SPATA9: variants seen among roughly 807,000 people sequenced by gnomAD.
The protein encoded by SPATA9 is spermatogenesis associated 9.
In SPATA9, 27 loss-of-function variants were observed where a neutral mutation model predicts 25.5. That is an observed-to-expected ratio of 1.06 (90% CI 0.78 to 1.46). The LOEUF (loss-of-function observed/expected upper bound fraction) is 1.46, where lower values mean the gene tolerates loss of function less well. SPATA9 is among the 40% of genes most tolerant of loss of function. The pLI, the probability that SPATA9 is intolerant of heterozygous loss-of-function variation, is 0.00. For synonymous variants in SPATA9, 102 were observed against 105.7 expected (o/e 0.97, Z 0.21); for missense variants, 282 against 297.5 (o/e 0.95, Z 0.38).
the SPATA9 span, chr5:95,731,668 CTTG>C: frequency 2.5e-6 from 4 of 1,613,354 alleles, no homozygotes; most frequent in Non-Finnish European, 3.4e-6. Context: ...CCGCCCTGCC[CTTG>C]GATTTGAGAT....
chr5:95,659,555 T>A (rs527715413), intron 4 of SPATA9: 1 of 152,188 alleles, frequency 6.6e-6, no homozygotes, highest in Admixed American at 6.5e-5. Flanking sequence ...TGCTGAGTAT[T>A]CAAGGCACGC....
At chr5:95,681,687 G>T (rs1753473289) in intron 2 of SPATA9, among the ~76,000 whole-genome samples, 1 of 152,284 alleles carries the variant, frequency 6.6e-6, no homozygotes, top group South Asian at 2.1e-4. Context: ...TTGTCTGCAG[G>T]CGTGGTTAAA....
the SPATA9 span, among the ~76,000 whole-genome samples, chr5:95,722,490 TA>T: frequency 6.6e-6 from 1 of 152,104 alleles, no homozygotes; most frequent in Non-Finnish European, 1.5e-5. Context: ...TTTTATAATG[TA>T]AAAGAGGTTT....
downstream of SPATA9, among the ~76,000 whole-genome samples, chr5:95,653,416 A>C (rs1750482848): frequency 1.3e-5 from 2 of 152,258 alleles, no homozygotes; most frequent in Admixed American, 6.5e-5. Flanking sequence ...AATGTTGTTT[A>C]GTGTTGAATT....
downstream of SPATA9, chr5:95,656,514 T>C (rs750071131): frequency 6.2e-5 from 30 of 483,908 alleles, no homozygotes; most frequent in Non-Finnish European, 9.8e-5. Flanking sequence ...TTATCGAATC[T>C]TCTGGATTAA....
intron 3 of SPATA9, among the ~76,000 whole-genome samples, chr5:95,674,289 C>A (rs1307412428): frequency 6.6e-6 from 1 of 152,162 alleles, no homozygotes; most frequent in African/African-American, 2.4e-5. Context: ...CCATTTCTTA[C>A]CTTCTTGAAG....
intron 4 of SPATA9, 98 bp from the exon 5 acceptor site, chr5:95,659,011 A>G: frequency 7.1e-7 from 1 of 1,418,304 alleles, no homozygotes; most frequent in East Asian, 2.3e-5. Context: ...AAGTCATTTA[A>G]TCTACATAAT....
intron 2 of SPATA9, among the ~76,000 whole-genome samples, chr5:95,678,376 C>G (rs1753139693): frequency 6.6e-6 from 1 of 151,788 alleles, no homozygotes; most frequent in Non-Finnish European, 1.5e-5. Flanking sequence ...GACTCCATCT[C>G]AAAAAAATAA....
At chr5:95,706,504 C>T in the SPATA9 span, among the ~76,000 whole-genome samples, 7 of 151,936 alleles carry the variant, frequency 4.6e-5, no homozygotes, top group East Asian at 5.8e-4. Flanking sequence ...GAATCCTGTA[C>T]AGCCTGCAGA....
the SPATA9 span, among the ~76,000 whole-genome samples, chr5:95,704,946 T>C: frequency 6.7e-5 from 10 of 150,216 alleles, no homozygotes; most frequent in Non-Finnish European, 1.2e-4. Flanking sequence ...GAGGATAGAG[T>C]ACTTTTTTTT....
downstream of SPATA9, chr5:95,657,088 C>T (rs1361629561): frequency 1.3e-5 from 2 of 152,062 alleles, no homozygotes; most frequent in Non-Finnish European, 2.9e-5. Flanking sequence ...TTCAGTGAGC[C>T]AATGTTCTTT....
chr5:95,675,110 C>G (rs950691348), intron 3 of SPATA9, among the ~76,000 whole-genome samples: 1 of 152,114 alleles, frequency 6.6e-6, no homozygotes, highest in African/African-American at 2.4e-5. Flanking sequence ...AGGAACAAAA[C>G]ACAATAATTT....
chr5:95,669,788 C>T (rs1158251870), intron 3 of SPATA9, among the ~76,000 whole-genome samples: 1 of 152,120 alleles, frequency 6.6e-6, no homozygotes, highest in Non-Finnish European at 1.5e-5. Flanking sequence ...ACTCACAAGG[C>T]TAAGCAGATG....
intron 1 of SPATA9, among the ~76,000 whole-genome samples, chr5:95,696,635 G>A (rs2112712030): frequency 6.6e-6 from 1 of 152,278 alleles, no homozygotes; most frequent in Non-Finnish European, 1.5e-5. Context: ...CCAGCACTTT[G>A]GGAGCTCGAG....
At chr5:95,662,282 G>A (rs985768835) in intron 4 of SPATA9, among the ~76,000 whole-genome samples, 1 of 152,110 alleles carries the variant, frequency 6.6e-6, no homozygotes, top group African/African-American at 2.4e-5. Flanking sequence ...AACGTGAAAG[G>A]TAAACTAACA....
At chr5:95,730,990 T>C in the SPATA9 span, 2 of 605,568 alleles carry the variant, frequency 3.3e-6, no homozygotes, top group East Asian at 1.4e-4. Flanking sequence ...ACCTCCTTTT[T>C]CCAGTCCGGA....
At chr5:95,682,097 T>C (rs866516350) in intron 2 of SPATA9, among the ~76,000 whole-genome samples, 1 of 152,356 alleles carries the variant, frequency 6.6e-6, no homozygotes, top group African/African-American at 2.4e-5. Flanking sequence ...GTATACCTTA[T>C]TTAAATTGAT....
chr5:95,710,551 G>A, the SPATA9 span, among the ~76,000 whole-genome samples: 2 of 152,156 alleles, frequency 1.3e-5, no homozygotes, highest in Non-Finnish European at 2.9e-5. Context: ...AGATAAATAG[G>A]CCACTGGGCG....
upstream of SPATA9, among the ~76,000 whole-genome samples, chr5:95,703,327 A>G (rs577719534): frequency 6.6e-6 from 1 of 152,252 alleles, no homozygotes; most frequent in Non-Finnish European, 1.5e-5. Flanking sequence ...TCCATGCTAC[A>G]TTGTTTAAAA....
Sources: allele counts gnomAD v4.1 joint callset (sites outside exome capture counted in the v4.1 genomes callset), GRCh38; gene constraint gnomAD v4.1.1; transcripts MANE v1.5; gene names NCBI Gene and HGNC (gene_info 2026-07-23, HGNC 2026-07-21).